GGACT: variants seen among roughly 807,000 people sequenced by gnomAD.
GGACT encodes the protein gamma-glutamylamine cyclotransferase, also known as gamma-glutamylaminecyclotransferase.
For missense variants in GGACT, 241 were observed against 233.2 expected, an observed-to-expected ratio of 1.03 and a Z score of -0.22; for synonymous variants, 118 against 115.3, an observed-to-expected ratio of 1.02 and a Z score of -0.15.
At chr13:100,579,565 A>G (rs1376805517) in intron 2 of GGACT, among the ~76,000 whole-genome samples, 1 of 152,080 alleles carries the variant, frequency 6.6e-6, no homozygotes, top group Non-Finnish European at 1.5e-5. Context: ...GGACAATGAG[A>G]CCCTCATTCC....
chr13:100,584,560 T>C (rs1231791974), intron 1 of GGACT, among the ~76,000 whole-genome samples: 2 of 152,132 alleles, frequency 1.3e-5, no homozygotes, highest in African/African-American at 2.4e-5. Flanking sequence ...ATCTAGTATT[T>C]GATAGCACAA....
intron 2 of GGACT, among the ~76,000 whole-genome samples, chr13:100,562,082 G>A (rs763707257): frequency 3.3e-5 from 5 of 152,176 alleles, no homozygotes; most frequent in Non-Finnish European, 7.3e-5. Flanking sequence ...GGGTTTAGGT[G>A]CCTCTAAATA....
rs756476186 is a variant in GGACT at position 100,530,837 on chromosome 13, T to TC, written c.*1292dup. The TC allele has an allele frequency of 6.3e-6, 1 of 159,520 alleles. No individual in the cohort carries two copies. Among genetic ancestry groups the TC allele is most frequent in the Non-Finnish European group, 1.4e-5 (1 of 72,632 alleles). The allele number at this position is 159,520 out of a possible 1,614,324, so 9.9% of individuals were successfully genotyped here. ...AGGATGAGCGCGCTGCCTGGTCCCT[T>TC]CCCCATTGCACAAGCCAGGGCAGTC... is the stretch of plus-strand genomic sequence containing the variant. On this transcript the variant is annotated 3_prime_UTR_variant, in exon 3 of 3. Coordinates refer to ENST00000683975, the MANE Select transcript of GGACT (RefSeq NM_001195087.2).
intron 2 of GGACT, among the ~76,000 whole-genome samples, chr13:100,550,441 CACA>C (rs1566532626): frequency 6.6e-6 from 1 of 151,342 alleles, no homozygotes; most frequent in African/African-American, 2.4e-5. Context: ...CACACACACA[CACA>C]CACACACACA....
At chr13:100,541,044 C>A (rs971440962) in intron 2 of GGACT, among the ~76,000 whole-genome samples, 3 of 152,178 alleles carry the variant, frequency 2.0e-5, no homozygotes, top group Admixed American at 1.3e-4. Context: ...GAGTCAGGGT[C>A]TCAGATAAAA....
chr13:100,546,737 T>C (rs2088608747), intron 2 of GGACT, among the ~76,000 whole-genome samples: 1 of 152,226 alleles, frequency 6.6e-6, no homozygotes, highest in South Asian at 2.1e-4. Context: ...ACTAAAACCC[T>C]CCATGCCAAG....
At chr13:100,565,832 T>G (rs997932287) in intron 2 of GGACT, among the ~76,000 whole-genome samples, 1 of 152,104 alleles carries the variant, frequency 6.6e-6, no homozygotes, top group Non-Finnish European at 1.5e-5. Flanking sequence ...CCTGTCCCTG[T>G]GTGATTCCTG....
At chr13:100,543,354 C>A (rs553402938) in intron 2 of GGACT, among the ~76,000 whole-genome samples, 1 of 151,854 alleles carries the variant, frequency 6.6e-6, no homozygotes, top group African/African-American at 2.4e-5. Flanking sequence ...ACTATAGGTG[C>A]CCACCACCAC....
chr13:100,546,143 G>A (rs1441562409), intron 2 of GGACT, among the ~76,000 whole-genome samples: 1 of 151,916 alleles, frequency 6.6e-6, no homozygotes. Flanking sequence ...GGTGGATCAC[G>A]AGGACAGGAG....
At chr13:100,557,526 T>C (rs557369946) in intron 2 of GGACT, among the ~76,000 whole-genome samples, 4 of 101,260 alleles carry the variant, frequency 4.0e-5, no homozygotes, top group Middle Eastern at 5.3e-3. Context: ...GGGGAATCTA[T>C]AGACTTTTAA....
intron 2 of GGACT, among the ~76,000 whole-genome samples, chr13:100,544,130 CCTT>C (rs1407573165): frequency 1.6e-4 from 25 of 152,318 alleles, no homozygotes; most frequent in Non-Finnish European, 2.9e-4. Context: ...TTTATGGAAA[CCTT>C]CTTGTGTCTC....
chr13:100,550,350 ACAC>A (rs1269592649), intron 2 of GGACT, among the ~76,000 whole-genome samples: 4 of 37,150 alleles, frequency 1.1e-4, no homozygotes, highest in South Asian at 2.9e-3. Flanking sequence ...ACACACACAC[ACAC>A]ACCACTGGCC....
chr13:100,587,943 T>C (rs1875631080), intron 1 of GGACT, among the ~76,000 whole-genome samples: 1 of 152,162 alleles, frequency 6.6e-6, no homozygotes, highest in Non-Finnish European at 1.5e-5. Context: ...GGAGAATCGC[T>C]TGAACCCGGA....
chr13:100,553,995 A>T (rs2088690995), intron 2 of GGACT, among the ~76,000 whole-genome samples: 1 of 152,216 alleles, frequency 6.6e-6, no homozygotes, highest in Non-Finnish European at 1.5e-5. Flanking sequence ...GATTAACAGT[A>T]GAGGACAGAT....
intron 2 of GGACT, among the ~76,000 whole-genome samples, chr13:100,546,402 G>T (rs934291721): frequency 6.7e-6 from 1 of 148,410 alleles, no homozygotes; most frequent in Non-Finnish European, 1.5e-5. Context: ...GCATGTGTAA[G>T]TTATGAAAAC....
chr13:100,561,171 GCTATTATT>G (rs1294014629), intron 2 of GGACT, among the ~76,000 whole-genome samples: 1 of 152,118 alleles, frequency 6.6e-6, no homozygotes, highest in East Asian at 1.9e-4. Context: ...CAGCTCCATT[GCTATTATT>G]TTACCAATGA....
intron 2 of GGACT, among the ~76,000 whole-genome samples, chr13:100,569,702 C>A (rs544855369): frequency 6.6e-6 from 1 of 152,360 alleles, no homozygotes; most frequent in Admixed American, 6.5e-5. Context: ...TTGAATTTCT[C>A]CCCAGAAAAT....
chr13:100,550,709 T>G (rs1042162125), intron 2 of GGACT, among the ~76,000 whole-genome samples: 6 of 152,106 alleles, frequency 3.9e-5, no homozygotes, highest in African/African-American at 1.4e-4. Flanking sequence ...AAGCCCCAGC[T>G]GTTGCTGTGT....
At position 100,530,400 on chromosome 13, in the gene GGACT, CAAAATT is replaced by C; in HGVS notation, c.*1724_*1729del. On this transcript the variant is annotated 3_prime_UTR_variant, in exon 3 of 3. Transcript: ENST00000683975. ...CTTCTGCTGTGAGATTCCCTAGTGTCAAAATTAAATCAATAAAACTGAGCATTTGTC... is the reference window on the plus strand; with the variant it reads ...CTTCTGCTGTGAGATTCCCTAGTGTCAAATCAATAAAACTGAGCATTTGTC... The C allele has an allele frequency of 1.7e-6, 1 of 596,282 alleles. No homozygotes were observed. The allele number at this position is 596,282 out of a possible 1,614,324, so 36.9% of individuals were successfully genotyped here.
Sources: allele counts gnomAD v4.1 joint callset (sites outside exome capture counted in the v4.1 genomes callset), GRCh38; gene constraint gnomAD v4.1.1; transcripts MANE v1.5; gene names NCBI Gene and HGNC (gene_info 2026-07-23, HGNC 2026-07-21).